Variants in CLIC5 observed in about 807,000 individuals in gnomAD.
The protein encoded by CLIC5 is CLIC family member 5.
In CLIC5, 20 loss-of-function variants were observed where a neutral mutation model predicts 24.7. The ratio of observed to expected loss-of-function variants is 0.81; its 90% CI spans 0.57 to 1.18. The LOEUF is 1.18. CLIC5 is among the 50% of genes most tolerant of loss of function. CLIC5 has a pLI of 0.00. For missense variants in CLIC5, 341 were observed against 326.1 expected, an observed-to-expected ratio of 1.05 and a Z score of -0.35; for synonymous variants, 159 against 135.6, an observed-to-expected ratio of 1.17 and a Z score of -1.20.
At chr6:46,099,880 G>C in the CLIC5 span, among the ~76,000 whole-genome samples, 2 of 151,714 alleles carry the variant, frequency 1.3e-5, no homozygotes, top group Non-Finnish European at 2.9e-5. Context: ...CGATCATTTT[G>C]ATAGTATTTT....
At chr6:46,061,874 A>G (rs1762293267) in intron 1 of CLIC5, among the ~76,000 whole-genome samples, 1 of 152,182 alleles carries the variant, frequency 6.6e-6, no homozygotes, top group African/African-American at 2.4e-5. Context: ...TCCACCTTTT[A>G]TATTCAGACA....
intron 1 of CLIC5, among the ~76,000 whole-genome samples, chr6:45,975,272 C>T (rs1460401231): frequency 6.6e-6 from 1 of 152,052 alleles, no homozygotes; most frequent in East Asian, 1.9e-4. Context: ...AAATTCAAGC[C>T]CACTAGCCTG....
At chr6:46,044,453 C>A (rs144664340) in intron 1 of CLIC5, among the ~76,000 whole-genome samples, 47 of 152,180 alleles carry the variant, frequency 3.1e-4, no homozygotes, top group African/African-American at 9.9e-4. Flanking sequence ...TGGTTTAAGA[C>A]CAGGCCTGTC....
intron 1 of CLIC5, among the ~76,000 whole-genome samples, chr6:46,078,569 A>G (rs892016484): frequency 2.0e-5 from 3 of 152,326 alleles, no homozygotes; most frequent in African/African-American, 7.2e-5. Context: ...GTATTAGAAT[A>G]CATTGAGTGC....
At chr6:46,122,053 T>G in the CLIC5 span, among the ~76,000 whole-genome samples, 1 of 152,160 alleles carries the variant, frequency 6.6e-6, no homozygotes, top group Non-Finnish European at 1.5e-5. Flanking sequence ...TATCCAGGAA[T>G]AGAATTCAGC....
rs1762929387 is a variant in CLIC5 at position 45,914,256 on chromosome 6, T to C, written c.560A>G (p.Asn187Ser). ...GACCACATGGAGCTTGGGCAACAGA[T>C]TGCAGTCAGCCAGGGTCAGCTCATC... Reference protein sequence around the residue: ...DGDELTLADCNLLPKLHVVKI... With the variant: ...DGDELTLADCSLLPKLHVVKI... The change falls in exon 5 of 6, where the codon AAT (asparagine) becomes AGT (serine). Residue 187 changes from asparagine to serine, a missense_variant. Coordinates refer to ENST00000339561, the MANE Select transcript of CLIC5 (RefSeq NM_016929.5). 6.2e-7 allele frequency: 1 copy of C among 1,604,524 alleles called. No homozygotes were observed. The highest frequency in any genetic ancestry group is 8.5e-7 in the Non-Finnish European group (1 of 1,173,190).
At chr6:46,010,195 G>C (rs1766755034) in intron 1 of CLIC5, among the ~76,000 whole-genome samples, 1 of 152,168 alleles carries the variant, frequency 6.6e-6, no homozygotes, top group Admixed American at 6.5e-5. Context: ...TGGTAGGACT[G>C]AGCCTCTGAC....
the CLIC5 span, among the ~76,000 whole-genome samples, chr6:46,124,751 C>T: frequency 2.6e-5 from 4 of 152,152 alleles, no homozygotes; most frequent in Non-Finnish European, 5.9e-5. Flanking sequence ...ACAACCCCAT[C>T]AGAAAGTGGG....
At chr6:45,926,499 G>A (rs1436785397) in intron 4 of CLIC5, among the ~76,000 whole-genome samples, 2 of 151,000 alleles carry the variant, frequency 1.3e-5, no homozygotes, top group East Asian at 2.0e-4. Flanking sequence ...CTTGTGATCC[G>A]CCCCCCTCGG....
chr6:46,026,889 A>AATAACCAGAAGACGAG lies in CLIC5; in HGVS notation c.540+52798_540+52813dup, dbSNP rs1224032464. The stretch of plus-strand genomic sequence containing the variant: ...AAAAGATGCTCCTTGTCTAAGTTTG[A>AATAACCAGAAGACGAG]ATAACCAGAAGACGAGATAACCAGA... On this transcript the variant is annotated intron_variant, in intron 1 of 5. Transcript: ENST00000185206. Among the ~76,000 whole-genome samples the AATAACCAGAAGACGAG allele has an allele frequency of 2.0e-5, 3 of 152,316 alleles. No homozygotes were observed. The South Asian group carries it at 6.2e-4, about 32-fold the overall frequency.
At chr6:45,914,159 T>C in intron 5 of CLIC5, 69 bp downstream of exon 5, 1 of 1,341,362 alleles carries the variant, frequency 7.5e-7, no homozygotes, top group Non-Finnish European at 1.0e-6. Context: ...CCTTGACTCA[T>C]CCACACAGGT....
chr6:45,987,436 G>A (rs6458479), intron 1 of CLIC5, among the ~76,000 whole-genome samples: 75,017 of 151,678 alleles, frequency 0.49, 19,237 homozygotes, highest in East Asian at 0.77. Flanking sequence ...AATCCAGAAA[G>A]TGTTTATTGT....
chr6:46,094,596 C>A, the CLIC5 span, among the ~76,000 whole-genome samples: 1 of 152,198 alleles, frequency 6.6e-6, no homozygotes, highest in Non-Finnish European at 1.5e-5. Flanking sequence ...TCTTTGACTT[C>A]ATTTCTCACA....
At chr6:45,939,178 G>C (rs1057163264) in intron 4 of CLIC5, among the ~76,000 whole-genome samples, 2 of 150,140 alleles carry the variant, frequency 1.3e-5, no homozygotes, top group African/African-American at 4.9e-5. Flanking sequence ...TCTTCACATG[G>C]CCTTCTCTCC....
chr6:45,936,779 C>T (rs1763952424), intron 4 of CLIC5, among the ~76,000 whole-genome samples: 1 of 152,124 alleles, frequency 6.6e-6, no homozygotes, highest in Admixed American at 6.5e-5. Flanking sequence ...TTATCCTTCT[C>T]CCCAAAACCA....
chr6:46,025,037 T>C (rs1350890621), intron 1 of CLIC5, among the ~76,000 whole-genome samples: 3 of 152,008 alleles, frequency 2.0e-5, no homozygotes, highest in African/African-American at 7.3e-5. Context: ...TCTCCATTAA[T>C]TGATTTTTTT....
chr6:45,988,167 A>G (rs1303609257), intron 1 of CLIC5, among the ~76,000 whole-genome samples: 1 of 152,220 alleles, frequency 6.6e-6, no homozygotes, highest in Non-Finnish European at 1.5e-5. Context: ...CCAAAATGTA[A>G]TGTTGGGATA....
intron 1 of CLIC5, among the ~76,000 whole-genome samples, chr6:45,990,455 A>G (rs1033321561): frequency 1.3e-5 from 2 of 152,208 alleles, no homozygotes; most frequent in African/African-American, 4.8e-5. Context: ...GCCAACAAGC[A>G]CCCAAGTGTG....
upstream of CLIC5, among the ~76,000 whole-genome samples, chr6:46,020,779 G>A (rs991868729): frequency 6.6e-5 from 10 of 151,854 alleles, no homozygotes; most frequent in African/African-American, 2.4e-4. Context: ...AAAAAGATAA[G>A]GGAGTACTAC....
Sources: allele counts gnomAD v4.1 joint callset (sites outside exome capture counted in the v4.1 genomes callset), GRCh38; gene constraint gnomAD v4.1.1; transcripts MANE v1.5; gene names NCBI Gene and HGNC (gene_info 2026-07-23, HGNC 2026-07-21).